The following METAP1 variants were observed in gnomAD, a reference collection of about 807,000 sequenced individuals.
METAP1 encodes methionine aminopeptidase 1.
METAP1 carries 28 observed loss-of-function variants against 53.8 expected under a neutral mutation model. The observed-to-expected ratio is 0.52, with a 90% confidence interval of 0.39 to 0.71. METAP1 has a LOEUF of 0.71. Ranked by LOEUF, METAP1 falls within the 30% of genes least tolerant of loss-of-function variation. The probability of loss-of-function intolerance (pLI) is 0.00; values close to 1 mark genes in which losing one functional copy is unlikely to be tolerated. For synonymous variants in METAP1, 181 were observed against 165.7 expected (o/e 1.09, Z -0.71); for missense variants, 389 against 479.8 (o/e 0.81, Z 1.77).
chr4:99,002,440 T>C (rs1240299972), intron 1 of METAP1, among the ~76,000 whole-genome samples: 2 of 152,236 alleles, frequency 1.3e-5, no homozygotes, highest in South Asian at 2.1e-4. Context: ...GAAGCATTCT[T>C]TTATTCATGC....
chr4:98,996,798 T>TACAGTCCAGGTTTAGTGAAGAGAGGC (rs1722655455), intron 1 of METAP1, among the ~76,000 whole-genome samples: 2 of 152,204 alleles, frequency 1.3e-5, no homozygotes, highest in Admixed American at 6.5e-5. Flanking sequence ...GGCTCTTAGT[T>TACAGTCCAGGTTTAGTGAAGAGAGGC]ACAGTCCAGG....
intron 1 of METAP1, among the ~76,000 whole-genome samples, chr4:99,016,798 T>TG (rs1188206472): frequency 6.6e-6 from 1 of 152,158 alleles, no homozygotes; most frequent in Non-Finnish European, 1.5e-5. Context: ...CTGGCCAGGG[T>TG]GTAGATCCCA....
chr4:99,026,197 T>A, intron 1 of METAP1: 1 of 983,722 alleles, frequency 1.0e-6, no homozygotes, highest in Non-Finnish European at 1.2e-6. Flanking sequence ...TATTTTGGGT[T>A]CATAAGCTCC....
intron 1 of METAP1, among the ~76,000 whole-genome samples, chr4:99,024,975 A>C (rs11097645): frequency 4.6e-5 from 7 of 151,996 alleles, no homozygotes; most frequent in African/African-American, 1.7e-4. Flanking sequence ...GGAGTGTGCA[A>C]CCTGGCTCCT....
chr4:99,039,248 A>G (rs1304903487), intron 4 of METAP1, 126 bp from the exon 5 acceptor site: 2 of 581,692 alleles, frequency 3.4e-6, no homozygotes, highest in Non-Finnish European at 3.0e-6. Flanking sequence ...AGACCATCCC[A>G]AATCATGAAT....
Position 98,996,009 on chromosome 4 carries a change from GC to G in METAP1, c.114+143del, listed in dbSNP as rs940946358. On this transcript the variant is annotated intron_variant, in intron 1 of 10. Coordinates refer to ENST00000296411, the MANE Select transcript of METAP1 (RefSeq NM_015143.3). Reference sequence around the variant, plus strand: ...GCCGCGTTTCCTCCTCCCCCCACCCGCGTCGCCACCGCCCCCTCCTGCCTCC... The same window carrying G: ...GCCGCGTTTCCTCCTCCCCCCACCCGGTCGCCACCGCCCCCTCCTGCCTCC... 4.0e-5 allele frequency: 27 copies of G among 681,204 alleles called. No individual in the cohort carries two copies. In the African/African-American group the frequency reaches 4.7e-4, roughly 12 times the overall value. The allele number at this position is 681,204 out of a possible 1,614,324, so 42.2% of individuals were successfully genotyped here. A position where few individuals can be genotyped will look rare whatever the true frequency, so the allele number is the denominator to read the frequency against.
At chr4:98,999,857 A>G (rs1430873950) in intron 1 of METAP1, among the ~76,000 whole-genome samples, 1 of 151,854 alleles carries the variant, frequency 6.6e-6, no homozygotes, top group East Asian at 1.9e-4. Context: ...GAGGAGTACA[A>G]CCAGTTTTAC....
intron 1 of METAP1, among the ~76,000 whole-genome samples, chr4:99,010,338 C>A (rs1723405733): frequency 6.6e-6 from 1 of 152,150 alleles, no homozygotes; most frequent in Admixed American, 6.5e-5. Flanking sequence ...CCTGTAGTGC[C>A]AACTACTTGG....
chr4:99,006,031 A>G (rs539624524), intron 1 of METAP1, among the ~76,000 whole-genome samples: 2 of 152,268 alleles, frequency 1.3e-5, no homozygotes, highest in East Asian at 1.9e-4. Flanking sequence ...AAAAACAAAA[A>G]TGGTGGTACT....
At chr4:99,023,302 T>G in intron 1 of METAP1, 1 of 615,094 alleles carries the variant, frequency 1.6e-6, no homozygotes, top group Non-Finnish European at 2.1e-6. Flanking sequence ...TATGTTTTGC[T>G]CGTTTGTCAG....
intron 10 of METAP1, among the ~76,000 whole-genome samples, chr4:99,060,729 G>A (rs1727487957): frequency 6.6e-6 from 1 of 152,086 alleles, no homozygotes; most frequent in African/African-American, 2.4e-5. Context: ...CATCTGTGTT[G>A]TAGCATATTG....
chr4:99,050,998 T>C (rs1408353436), intron 9 of METAP1, among the ~76,000 whole-genome samples: 3 of 152,212 alleles, frequency 2.0e-5, no homozygotes, highest in South Asian at 2.1e-4. Flanking sequence ...AAATAAAAGC[T>C]AGCAACAGAA....
At chr4:99,005,845 G>C (rs115688111) in intron 1 of METAP1, 1 of 407,414 alleles carries the variant, frequency 2.5e-6, no homozygotes, top group East Asian at 7.4e-5. Context: ...AGGTCGTCTC[G>C]CTTACAAGTA....
chr4:99,060,781 A>C (rs1044255759), intron 10 of METAP1, among the ~76,000 whole-genome samples: 11 of 152,222 alleles, frequency 7.2e-5, no homozygotes, highest in African/African-American at 2.7e-4. Context: ...TAAAATGGAC[A>C]ATTATTGTAC....
intron 1 of METAP1, among the ~76,000 whole-genome samples, chr4:99,006,365 T>C (rs981132056): frequency 2.0e-5 from 3 of 152,222 alleles, no homozygotes; most frequent in Non-Finnish European, 1.5e-5. Flanking sequence ...TTCAAACAAA[T>C]AGAAAAGTTT....
Position 99,062,125 on chromosome 4 carries a change from G to A in METAP1, c.*808G>A, listed in dbSNP as rs1579352944. 2 of 152,194 alleles carry A rather than the reference G, an allele frequency of 1.3e-5. No individual in the cohort carries two copies. The highest frequency in any genetic ancestry group is 3.8e-4 in the East Asian group (2 of 5,202). The allele number at this position is 152,194 out of a possible 1,614,324, so 9.4% of individuals were successfully genotyped here. On this transcript the variant is annotated 3_prime_UTR_variant, in exon 11 of 11. Transcript: ENST00000296411. Reference sequence around the variant, plus strand: ...TCAGACCTCTGTTTGGTCAGAAATGGAAAAGAAAAAGCCCCCTTTCTTCCC... The same window carrying A: ...TCAGACCTCTGTTTGGTCAGAAATGAAAAAGAAAAAGCCCCCTTTCTTCCC...
intron 1 of METAP1, among the ~76,000 whole-genome samples, chr4:99,014,757 A>G (rs1323043088): frequency 6.6e-6 from 1 of 152,218 alleles, no homozygotes; most frequent in East Asian, 1.9e-4. Context: ...ATGGCAGAGT[A>G]TCCAGTAAGT....
chr4:99,058,401 T>C (rs1361297674), intron 10 of METAP1, among the ~76,000 whole-genome samples: 1 of 152,126 alleles, frequency 6.6e-6, no homozygotes, highest in African/African-American at 2.4e-5. Flanking sequence ...CATATAGCTA[T>C]TGTGGGGAAA....
chr4:99,021,574 C>T (rs1398024939), intron 1 of METAP1, among the ~76,000 whole-genome samples: 1 of 152,016 alleles, frequency 6.6e-6, no homozygotes, highest in Non-Finnish European at 1.5e-5. Flanking sequence ...CTCAGCAAGG[C>T]TAGTTTACTT....
Sources: gnomAD v4.1 joint callset for allele counts (sites outside exome capture counted in the v4.1 genomes callset) on GRCh38, gnomAD v4.1.1 for gene constraint, MANE v1.5 for transcripts, NCBI Gene and HGNC (gene_info 2026-07-23, HGNC 2026-07-21) for gene names.